Variants in SMC4 observed in about 807,000 individuals in gnomAD.
The protein encoded by SMC4 is structural maintenance of chromosomes 4, also known as structural maintenance of chromosomes protein 4.
In SMC4, 87 loss-of-function variants were observed where a neutral mutation model predicts 145.6. That is an observed-to-expected ratio of 0.60 (90% CI 0.50 to 0.71). The LOEUF (loss-of-function observed/expected upper bound fraction) is 0.71. Among genes scored for constraint, SMC4 ranks in the 30% least tolerant of loss-of-function variants. SMC4 has a pLI of 0.00. For missense variants in SMC4, 1,447 were observed against 1,537.1 expected (o/e 0.94, Z 0.98); for synonymous variants, 558 against 500.7 (o/e 1.11, Z -1.53).
chr3:160,431,618 A>G, intron 20 of SMC4, 25 bp from the exon 21 acceptor site: 2 of 1,529,636 alleles, frequency 1.3e-6, no homozygotes, highest in Non-Finnish European at 8.8e-7. Flanking sequence ...GCCTTCTCTA[A>G]CTCTCCCCTA....
chr3:160,418,048 A>G (rs1383472790), intron 11 of SMC4, 92 bp downstream of exon 11: 3 of 991,344 alleles, frequency 3.0e-6, no homozygotes, highest in Non-Finnish European at 4.5e-6. Context: ...AGAGGTGACT[A>G]GTGATAAATT....
rs755015528 is a variant in SMC4, at chr3:160,414,362, G to C, written c.1122-5G>C. The C allele has an allele frequency of 3.2e-6, 5 of 1,587,146 alleles. No individual in the cohort carries two copies. Among genetic ancestry groups the C allele is most frequent in the Non-Finnish European group, 4.3e-6 (5 of 1,157,776 alleles). ...TAATGACTTACAATATACTTGCTTTGCTAGGAAACTGAATAAAATTACAAA... is the reference window on the plus strand; with the variant it reads ...TAATGACTTACAATATACTTGCTTTCCTAGGAAACTGAATAAAATTACAAA... On this transcript the variant is annotated splice_polypyrimidine_tract_variant and splice_region_variant and intron_variant, in intron 8 of 23. Transcript: ENST00000357388.
intron 18 of SMC4, 40 bp from the exon 19 acceptor site, chr3:160,430,559 C>CTTT: frequency 1.4e-6 from 2 of 1,480,452 alleles, no homozygotes; most frequent in East Asian, 2.4e-5. Context: ...AATAACAAAT[C>CTTT]ACCTTACCAC....
chr3:160,430,683 A>G lies in SMC4; in HGVS notation c.2880A>G (p.Ala960=), dbSNP rs1718306337. The G allele has an allele frequency of 6.2e-7, 1 of 1,613,858 alleles. No individual in the cohort carries two copies. Among genetic ancestry groups the G allele is most frequent in the Non-Finnish European group, 8.5e-7 (1 of 1,179,870 alleles). Residue 960 remains alanine (A), a synonymous_variant, in exon 19 of 24, where the codon GCA becomes GCG. Coordinates refer to ENST00000357388, the MANE Select transcript of SMC4 (RefSeq NM_001002800.3). The part of the protein sequence containing the change: ...DTEKEVDDLT[A]ELKSLEDKAA... ...AGAAAGAGGTGGATGACCTAACAGC[A>G]GAGCTGAAAAGTCTTGAGGACAAAG...
chr3:160,423,436 G>A lies in SMC4; in HGVS notation c.2031G>A (p.Trp677Ter). 6.3e-7 allele frequency: 1 copy of A among 1,594,328 alleles called. No homozygotes were observed. The highest frequency in any genetic ancestry group is 8.6e-7 in the Non-Finnish European group (1 of 1,167,482). The stretch of plus-strand genomic sequence containing the variant: ...TTGTTTACTTTTAGATGGCTGTATG[G>A]GCGAAAAAGATGACCGAAATTCAAA... ...TFIGLDKMAV[W>*]AKKMTEIQTP... The change falls in exon 14 of 24, where the codon TGG becomes TGA. Residue 677 changes from tryptophan (W) to a stop codon, truncating the protein, a stop_gained. Coordinates refer to ENST00000357388, the MANE Select transcript of SMC4 (RefSeq NM_001002800.3). LOFTEE classifies it high-confidence loss of function.
rs929593145 is a variant in SMC4, at chr3:160,412,179, TGAA to T, written c.852+100_852+102del. ...CAGATATTCATGTTATAATACTTAA[TGAA>T]GAAGTGTTATATTGAAATTTATATC... On this transcript the variant is annotated intron_variant, in intron 6 of 23. Coordinates refer to ENST00000357388, the MANE Select transcript of SMC4 (RefSeq NM_001002800.3). 1.3e-4 allele frequency: 191 copies of T among 1,445,214 alleles called. 3 individuals carry two copies. The South Asian group carries it at 1.7e-3, about 13-fold the overall frequency. 89.5% of individuals were successfully genotyped at this position (1,445,214 alleles called of 1,614,324 possible).
chr3:160,432,467 T>C lies in SMC4; in HGVS notation c.3482T>C (p.Leu1161Pro). 6.2e-7 allele frequency: 1 copy of C among 1,613,006 alleles called. No homozygotes were observed. The highest frequency in any genetic ancestry group is 8.5e-7 in the Non-Finnish European group (1 of 1,179,542). The change falls in exon 22 of 24, where the codon CTC becomes CCC. Residue 1161 changes from leucine to proline, a missense_variant. Coordinates refer to ENST00000357388, the MANE Select transcript of SMC4 (RefSeq NM_001002800.3). ...QMLTLGGDAE[L>P]ELVDSLDPFS... ...CTTACTTTGGGAGGGGACGCCGAAC[T>C]CGAGCTTGTAGACAGCTTGGATCCT... is the stretch of plus-strand genomic sequence containing the variant.
intron 15 of SMC4, 42 bp from the exon 16 acceptor site, chr3:160,424,825 C>T (rs374115479): frequency 7.5e-6 from 12 of 1,608,062 alleles, no homozygotes; most frequent in Non-Finnish European, 9.3e-6. Flanking sequence ...GTTGACTTTT[C>T]TGTCAATCTG....
At chr3:160,418,465 A>G (rs1716816072) in intron 11 of SMC4, among the ~76,000 whole-genome samples, 1 of 152,188 alleles carries the variant, frequency 6.6e-6, no homozygotes, top group South Asian at 2.1e-4. Flanking sequence ...TAATCTCCAA[A>G]GATCTCCAAA....
chr3:160,431,847 A>G (rs1242774680), intron 21 of SMC4, 22 bp downstream of exon 21: 3 of 1,584,494 alleles, frequency 1.9e-6, no homozygotes, highest in East Asian at 2.2e-5. Flanking sequence ...CTGTGTATGT[A>G]TACTAGTTGG....
At chr3:160,421,903 C>T (rs1224151202) in intron 13 of SMC4, among the ~76,000 whole-genome samples, 1 of 152,168 alleles carries the variant, frequency 6.6e-6, no homozygotes, top group South Asian at 2.1e-4. Context: ...CCCTTCACCC[C>T]CTCCGTAACA....
intron 9 of SMC4, 24 bp from the exon 10 acceptor site, chr3:160,416,227 C>T (rs1351719564): frequency 6.5e-7 from 1 of 1,536,428 alleles, no homozygotes; most frequent in Non-Finnish European, 8.8e-7. Flanking sequence ...ATGTATGCTC[C>T]TATAACTTGT....
intron 19 of SMC4, 99 bp from the exon 20 acceptor site, chr3:160,430,933 A>G: frequency 7.8e-7 from 1 of 1,283,176 alleles, no homozygotes; most frequent in South Asian, 1.4e-5. Flanking sequence ...TTAAAATGGA[A>G]GGGGCATGAG....
intron 13 of SMC4, 139 bp from the exon 14 acceptor site, chr3:160,423,286 A>C (rs1200132095): frequency 1.6e-6 from 1 of 632,264 alleles, no homozygotes; most frequent in Admixed American, 3.3e-5. Flanking sequence ...TCTTCCGTTT[A>C]GGTCTAATTT....
At chr3:160,427,955 A>G (rs1478556471) in intron 17 of SMC4, among the ~76,000 whole-genome samples, 1 of 148,216 alleles carries the variant, frequency 6.7e-6, no homozygotes, top group Non-Finnish European at 1.5e-5. Context: ...ACACACAAAC[A>G]CACACACACG....
chr3:160,428,959 A>G lies in SMC4; in HGVS notation c.2795+17A>G. On this transcript the variant is annotated intron_variant, in intron 18 of 23. Transcript: ENST00000357388. ...TGCTGACAGGTAGAGTATGCATGTT[A>G]CCCTAACTTGTTTTCCCTTTCCCTG... 1 of 1,547,066 alleles carries G rather than the reference A, an allele frequency of 6.5e-7. No homozygotes were observed. Among genetic ancestry groups the G allele is most frequent in the Non-Finnish European group, 8.6e-7 (1 of 1,156,690 alleles).
chr3:160,409,730 T>C lies in SMC4; in HGVS notation c.688-2190T>C, dbSNP rs140304460. Among the ~76,000 whole-genome samples the C allele has an allele frequency of 1.3e-3, 196 of 152,316 alleles. 1 individual carries two copies. Among genetic ancestry groups the C allele is most frequent in the African/African-American group, 4.5e-3 (188 of 41,578 alleles). The stretch of plus-strand genomic sequence containing the variant: ...GGGTAGAATATTAATTGTCAGATAT[T>C]GTTTTTTATTTGGATGATAAACACT... On this transcript the variant is annotated intron_variant, in intron 5 of 23. Coordinates refer to ENST00000357388, the MANE Select transcript of SMC4 (RefSeq NM_001002800.3).
At chr3:160,430,315 G>T (rs545875582) in intron 18 of SMC4, among the ~76,000 whole-genome samples, 16 of 152,298 alleles carry the variant, frequency 1.1e-4, no homozygotes, top group Non-Finnish European at 2.1e-4. Context: ...AATGACAAAA[G>T]AATTTGATAA....
intron 22 of SMC4, 132 bp from the exon 23 acceptor site, chr3:160,432,891 AGAG>A: frequency 1.6e-6 from 1 of 640,564 alleles, no homozygotes. Context: ...ATAACAGAAA[AGAG>A]AATTCATATT....
Sources: allele counts gnomAD v4.1 joint callset (sites outside exome capture counted in the v4.1 genomes callset), GRCh38; gene constraint gnomAD v4.1.1; transcripts MANE v1.5; gene names NCBI Gene and HGNC (gene_info 2026-07-23, HGNC 2026-07-21).